DMD: variants seen among roughly 807,000 people sequenced by gnomAD.
DMD encodes dystrophin.
In DMD, 63 loss-of-function variants were observed where a neutral mutation model predicts 330.1. The ratio of observed to expected loss-of-function variants is 0.19; its 90% CI spans 0.16 to 0.24. DMD has a LOEUF of 0.24. Ranked by LOEUF, DMD falls within the 10% of genes least tolerant of loss-of-function variation. DMD has a pLI of 1.00. For synonymous variants in DMD, 1,223 were observed against 959.8 expected (o/e 1.27, Z -5.07); for missense variants, 3,344 against 2,684.1 (o/e 1.25, Z -5.43).
chrX:32,272,525 A>G (rs1423923671), intron 43 of DMD, among the ~76,000 whole-genome samples: 1 of 112,409 alleles, frequency 8.9e-6, no homozygotes, highest in Non-Finnish European at 1.9e-5. Context: ...TCTGGAAGGA[A>G]GAACATAATC....
chrX:32,186,619 A>G (rs1417116871), intron 44 of DMD, among the ~76,000 whole-genome samples: 1 of 111,497 alleles, frequency 9.0e-6, no homozygotes, highest in Non-Finnish European at 1.9e-5. Flanking sequence ...TTATTTCAGC[A>G]TGGTGGATGA....
chrX:32,256,902 C>A (rs370220239), intron 43 of DMD, among the ~76,000 whole-genome samples: 81 of 111,474 alleles, frequency 7.3e-4, no homozygotes, highest in African/African-American at 2.4e-3. Flanking sequence ...TGATGGGCTT[C>A]CCTTTGTGGG....
intron 2 of DMD, among the ~76,000 whole-genome samples, chrX:32,873,774 C>T (rs1384936467): frequency 8.9e-6 from 1 of 112,148 alleles, no homozygotes; most frequent in African/African-American, 3.2e-5. Context: ...CAAGTAATGA[C>T]ATGTTATGTA....
intron 15 of DMD, among the ~76,000 whole-genome samples, chrX:32,571,473 C>T (rs2052413054): frequency 9.0e-6 from 1 of 111,461 alleles, no homozygotes; most frequent in African/African-American, 3.3e-5. Flanking sequence ...TTTTGGTCAA[C>T]ATCTTATCCT....
At chrX:31,293,532 A>T (rs1377564863) in intron 62 of DMD, among the ~76,000 whole-genome samples, 1 of 110,994 alleles carries the variant, frequency 9.0e-6, no homozygotes, top group East Asian at 2.8e-4. Context: ...ATATTTTCTG[A>T]TCTATTTATT....
At chrX:32,287,478 T>A (rs766834157) in intron 43 of DMD, 51 bp downstream of exon 43, 27 of 1,145,424 alleles carry the variant, frequency 2.4e-5, no homozygotes, top group Non-Finnish European at 3.1e-5. Flanking sequence ...TACAGTTCCC[T>A]GAAAACAAAT....
intron 1 of DMD, among the ~76,000 whole-genome samples, chrX:33,079,404 C>T (rs1054689236): frequency 1.8e-5 from 2 of 111,622 alleles, no homozygotes; most frequent in East Asian, 5.6e-4. Flanking sequence ...AAGACACAAT[C>T]GACAAGGAAA....
chrX:32,773,520 T>A (rs12008414), intron 7 of DMD, among the ~76,000 whole-genome samples: 3,894 of 103,971 alleles, frequency 0.037, 169 homozygotes, highest in African/African-American at 0.12. Flanking sequence ...CTTTTTATTT[T>A]TTTTTTTTTT....
At chrX:32,129,583 T>C (rs1242224508) in intron 44 of DMD, among the ~76,000 whole-genome samples, 1 of 110,544 alleles carries the variant, frequency 9.0e-6, no homozygotes, top group Non-Finnish European at 1.9e-5. Context: ...TTCTCACCAA[T>C]AATCATTGCA....
intron 60 of DMD, among the ~76,000 whole-genome samples, chrX:31,369,761 A>C (rs886087106): frequency 1.8e-5 from 2 of 111,691 alleles, no homozygotes; most frequent in Admixed American, 9.5e-5. Context: ...TAATCAAGCC[A>C]GCCATTTCAA....
chrX:31,222,624 T>C (rs969764667), intron 64 of DMD, among the ~76,000 whole-genome samples: 16 of 110,558 alleles, frequency 1.4e-4, no homozygotes, highest in East Asian at 1.1e-3. Context: ...ATCTGCACGT[T>C]AGCATTCAAG....
chrX:31,385,594 C>T (rs915361427), intron 60 of DMD, among the ~76,000 whole-genome samples: 3 of 112,288 alleles, frequency 2.7e-5, no homozygotes, highest in Non-Finnish European at 3.8e-5. Context: ...TGTTTTGATA[C>T]AGGCATGCAA....
intron 13 of DMD, among the ~76,000 whole-genome samples, chrX:32,581,026 A>G (rs5971641): frequency 9.0e-6 from 1 of 110,937 alleles, no homozygotes; most frequent in Admixed American, 9.6e-5. Context: ...GGGTTTCACC[A>G]TGTTGGCTGG....
intron 9 of DMD, among the ~76,000 whole-genome samples, chrX:32,660,973 G>A (rs374268625): frequency 9.0e-5 from 10 of 111,000 alleles, no homozygotes; most frequent in African/African-American, 2.3e-4. Context: ...CACCAAAAAC[G>A]CTAATAAATA....
intron 9 of DMD, among the ~76,000 whole-genome samples, chrX:32,687,200 C>T (rs1164681089): frequency 8.9e-6 from 1 of 111,986 alleles, no homozygotes; most frequent in Non-Finnish European, 1.9e-5. Flanking sequence ...TACAAGCTTA[C>T]CTAAAACAAG....
chrX:31,151,337 CA>C (rs764356194), intron 74 of DMD, among the ~76,000 whole-genome samples: 55 of 112,404 alleles, frequency 4.9e-4, no homozygotes, highest in East Asian at 4.2e-3. Flanking sequence ...GAATCCTATT[CA>C]AATTTTTCTT....
At chrX:33,070,326 A>G (rs1364283997) in intron 1 of DMD, among the ~76,000 whole-genome samples, 1 of 110,911 alleles carries the variant, frequency 9.0e-6, no homozygotes, top group East Asian at 2.8e-4. Context: ...AGTGCAATAA[A>G]AAATGTTGTC....
At chrX:32,187,225 T>C (rs1184682133) in intron 44 of DMD, among the ~76,000 whole-genome samples, 2 of 111,143 alleles carry the variant, frequency 1.8e-5, no homozygotes, top group Non-Finnish European at 3.8e-5. Context: ...TTTTCTAAAA[T>C]AAATCATTTC....
intron 45 of DMD, among the ~76,000 whole-genome samples, chrX:31,947,985 A>G (rs2095110915): frequency 9.0e-6 from 1 of 111,120 alleles, no homozygotes; most frequent in Non-Finnish European, 1.9e-5. Context: ...TTTACATTAT[A>G]TAACTGAAAC....
Sources: gnomAD v4.1 joint callset for allele counts (sites outside exome capture counted in the v4.1 genomes callset) on GRCh38, gnomAD v4.1.1 for gene constraint, MANE v1.5 for transcripts, NCBI Gene and HGNC (gene_info 2026-07-23, HGNC 2026-07-21) for gene names.